Variants in PAG1 observed in about 807,000 individuals in gnomAD.
PAG1 encodes phosphoprotein associated with glycosphingolipid-enriched microdomains 1.
A neutral mutation model predicts 31.7 loss-of-function variants in PAG1; 23 were observed. That is an observed-to-expected ratio of 0.73 (90% CI 0.52 to 1.03). PAG1 has a LOEUF of 1.03. Among genes scored for constraint, PAG1 ranks in the 50% least tolerant of loss-of-function variants. The pLI is 0.00. For missense variants in PAG1, 473 were observed against 540.7 expected (o/e 0.87, Z 1.24); for synonymous variants, 214 against 210.3 (o/e 1.02, Z -0.15).
At position 81,101,796 on chromosome 8, in the gene PAG1, T is replaced by G. The variant is rs140235873; in HGVS notation, c.-234+9795A>C. 1.0e-3 allele frequency among the ~76,000 whole-genome samples: 154 copies of G among 152,220 alleles called. 2 individuals are homozygous for G. The highest frequency in any genetic ancestry group is 3.5e-3 in the African/African-American group (146 of 41,548). ...ATGGTATTCAAATTAGATTACTAATTTAGACATGTTCTATCATGTCAAGTA... is the reference window on the plus strand; with the variant it reads ...ATGGTATTCAAATTAGATTACTAATGTAGACATGTTCTATCATGTCAAGTA... On this transcript the variant is annotated intron_variant, in intron 1 of 8. Coordinates refer to ENST00000220597, the MANE Select transcript of PAG1 (RefSeq NM_018440.4).
intron 7 of PAG1, among the ~76,000 whole-genome samples, chr8:80,981,079 A>T (rs61189685): frequency 0.23 from 34,799 of 151,704 alleles, 6,222 homozygotes; most frequent in African/African-American, 0.5. Context: ...CAGTTCCTTG[A>T]CTTTCCCTTC....
At chr8:81,099,121 T>C (rs574894088) in intron 1 of PAG1, among the ~76,000 whole-genome samples, 3 of 152,322 alleles carry the variant, frequency 2.0e-5, no homozygotes, top group East Asian at 3.9e-4. Flanking sequence ...CTGGATCCCA[T>C]GGGGGTATTA....
chr8:81,031,584 C>T (rs919924543), intron 2 of PAG1, among the ~76,000 whole-genome samples: 6 of 152,112 alleles, frequency 3.9e-5, no homozygotes, highest in African/African-American at 1.4e-4. Flanking sequence ...AATCAAATTG[C>T]TGCAATTAAA....
At chr8:81,067,796 T>C (rs1481443230) in intron 2 of PAG1, 4 of 152,240 alleles carry the variant, frequency 2.6e-5, no homozygotes, top group Non-Finnish European at 4.4e-5. Context: ...ATGAATCCCA[T>C]TATTTTCCCC....
intron 1 of PAG1, among the ~76,000 whole-genome samples, chr8:81,094,790 C>T (rs1343738772): frequency 6.6e-6 from 1 of 152,174 alleles, no homozygotes; most frequent in Non-Finnish European, 1.5e-5. Flanking sequence ...CATGAAACAA[C>T]CCTCAAAGGT....
At chr8:81,010,452 C>T (rs1208637091) in intron 3 of PAG1, among the ~76,000 whole-genome samples, 1 of 152,074 alleles carries the variant, frequency 6.6e-6, no homozygotes, top group Non-Finnish European at 1.5e-5. Context: ...ATTAAAATAG[C>T]ATTATTTTTA....
intron 3 of PAG1, among the ~76,000 whole-genome samples, chr8:80,995,232 T>C (rs1807647448): frequency 6.6e-6 from 1 of 152,228 alleles, no homozygotes; most frequent in Non-Finnish European, 1.5e-5. Flanking sequence ...TCCTCAATCT[T>C]TGAATCAACA....
chr8:81,060,403 G>C (rs994073115), intron 2 of PAG1, among the ~76,000 whole-genome samples: 3 of 152,270 alleles, frequency 2.0e-5, no homozygotes, highest in Middle Eastern at 3.4e-3. Flanking sequence ...CTTACAGGTT[G>C]ATTATTTTTT....
At chr8:81,013,879 C>A (rs749136498) in intron 3 of PAG1, among the ~76,000 whole-genome samples, 14 of 152,178 alleles carry the variant, frequency 9.2e-5, no homozygotes, top group Non-Finnish European at 2.1e-4. Context: ...TGCACCTGGC[C>A]TCAAGACATA....
intron 3 of PAG1, among the ~76,000 whole-genome samples, chr8:81,024,803 C>T (rs577037129): frequency 1.2e-4 from 19 of 152,296 alleles, no homozygotes; most frequent in African/African-American, 4.3e-4. Flanking sequence ...ATCATATTAA[C>T]CATGAAGGAT....
At chr8:80,977,028 T>C in intron 8 of PAG1, 122 bp from the exon 9 acceptor site, 2 of 817,264 alleles carry the variant, frequency 2.4e-6, no homozygotes, top group Non-Finnish European at 2.0e-6. Context: ...AAAGATTTGT[T>C]CTTTCTTATC....
chr8:81,028,624 T>G (rs1808325224), intron 3 of PAG1, among the ~76,000 whole-genome samples: 1 of 152,260 alleles, frequency 6.6e-6, no homozygotes, highest in Admixed American at 6.5e-5. Context: ...GGAAAACTGT[T>G]TCTCCAAATT....
At chr8:81,065,646 T>C (rs1220964366) in intron 2 of PAG1, among the ~76,000 whole-genome samples, 1 of 151,752 alleles carries the variant, frequency 6.6e-6, no homozygotes, top group African/African-American at 2.4e-5. Flanking sequence ...ATTCTACCCA[T>C]TAGAAGCATT....
intron 7 of PAG1, among the ~76,000 whole-genome samples, chr8:80,982,656 G>A (rs567080396): frequency 9.2e-5 from 14 of 152,202 alleles, no homozygotes; most frequent in African/African-American, 3.4e-4. Flanking sequence ...AAGTCCAATC[G>A]GTATCTCAAG....
rs1372677267 is a variant in PAG1 at position 81,038,834 on chromosome 8, G to A, written c.-174-8745C>T. 2.6e-5 allele frequency among the ~76,000 whole-genome samples: 4 copies of A among 152,268 alleles called. No homozygotes were observed. The East Asian group carries it at 7.7e-4, about 29-fold the overall frequency. On this transcript the variant is annotated intron_variant, in intron 2 of 8. Transcript: ENST00000220597. ...GATGCTAACATATGTATGACATTTA[G>A]TTTCTCTGAAGGAAAGTAACTACTA...
At chr8:81,069,377 G>A (rs1232911955) in intron 2 of PAG1, among the ~76,000 whole-genome samples, 3 of 152,168 alleles carry the variant, frequency 2.0e-5, no homozygotes, top group Non-Finnish European at 2.9e-5. Context: ...AATATGAGTC[G>A]GGCAGGCCAT....
intron 1 of PAG1, among the ~76,000 whole-genome samples, chr8:81,091,231 A>C (rs1809441431): frequency 6.6e-6 from 1 of 152,210 alleles, no homozygotes; most frequent in Non-Finnish European, 1.5e-5. Context: ...GGAAGAGGGA[A>C]GCATATTGGG....
In PAG1 at chr8:80,974,152, G is replaced by GTTTTTTTTT. The variant is rs554932519; in HGVS notation, c.*2383_*2391dup. On this transcript the variant is annotated 3_prime_UTR_variant, in exon 9 of 9. Transcript: ENST00000220597. ...ATTATTTATGAGCTTTCTATAAAAA[G>GTTTTTTTTT]TTTTTTTTTTTTTTTTTTTTTTACT... is the stretch of plus-strand genomic sequence containing the variant. The GTTTTTTTTT allele has an allele frequency of 6.9e-5, 8 of 115,374 alleles. No individual in the cohort carries two copies. Among genetic ancestry groups the GTTTTTTTTT allele is most frequent in the Non-Finnish European group, 1.0e-4 (6 of 57,802 alleles). The allele number at this position is 115,374 out of a possible 1,614,324, so 7.1% of individuals were successfully genotyped here. A position where few individuals can be genotyped will look rare whatever the true frequency, so the allele number is the denominator to read the frequency against.
At chr8:81,080,259 C>A (rs143737800) in intron 1 of PAG1, among the ~76,000 whole-genome samples, 1 of 152,110 alleles carries the variant, frequency 6.6e-6, no homozygotes. Context: ...GACTAGCCTT[C>A]GTAGATGGAC....
Sources: gnomAD v4.1 joint callset for allele counts (sites outside exome capture counted in the v4.1 genomes callset) on GRCh38, gnomAD v4.1.1 for gene constraint, MANE v1.5 for transcripts, NCBI Gene and HGNC (gene_info 2026-07-23, HGNC 2026-07-21) for gene names.